The following RXFP2 variants were observed in gnomAD, a reference collection of about 807,000 sequenced individuals.
RXFP2 encodes relaxin family peptide receptor 2.
RXFP2 carries 68 observed loss-of-function variants against 88.6 expected under a neutral mutation model. That is an observed-to-expected ratio of 0.77 (90% CI 0.63 to 0.94). The LOEUF (loss-of-function observed/expected upper bound fraction) is 0.94. RXFP2 is among the 40% of genes least tolerant of loss of function. The probability of loss-of-function intolerance (pLI) is 0.00; values close to 1 mark genes in which losing one functional copy is unlikely to be tolerated. For missense variants in RXFP2, 791 were observed against 893.9 expected, an observed-to-expected ratio of 0.88 and a Z score of 1.47; for synonymous variants, 329 against 306.8, an observed-to-expected ratio of 1.07 and a Z score of -0.76.
intron 6 of RXFP2, 54 bp from the exon 7 acceptor site, chr13:31,775,264 T>C: frequency 7.7e-7 from 1 of 1,292,034 alleles, no homozygotes; most frequent in Admixed American, 1.7e-5. Flanking sequence ...TAATTATATG[T>C]GACTAAAATA....
At chr13:31,776,085 C>CTTCTTTCTTTCTTTTCTT (rs1183521237) in intron 7 of RXFP2, among the ~76,000 whole-genome samples, 1 of 41,086 alleles carries the variant, frequency 2.4e-5, no homozygotes, top group Non-Finnish European at 5.6e-5. Context: ...TCTTTCCTTC[C>CTTCTTTCTTTCTTTTCTT]TTCTTTCTTT....
In RXFP2 at chr13:31,802,372, A is replaced by G. The variant is rs140250507; in HGVS notation, c.2232A>G (p.Thr744=). ...AACTTGGGGTTTTGAACAAAATAAC[A>G]CTTGGAGACAGTATAATGAAACCAG... ...SLKLGVLNKI[T]LGDSIMKPVS The change falls in exon 18 of 18, where the codon ACA becomes ACG. Residue 744 remains threonine (T), a synonymous_variant. Transcript: ENST00000298386. 8.8e-4 allele frequency: 1,414 copies of G among 1,614,120 alleles called. 8 individuals carry two copies. The African/African-American group carries it at 0.017, about 20-fold the overall frequency.
chr13:31,796,757 G>A (rs528973510), intron 16 of RXFP2, among the ~76,000 whole-genome samples: 9 of 152,194 alleles, frequency 5.9e-5, no homozygotes, highest in Non-Finnish European at 1.2e-4. Flanking sequence ...GGAAGTGCCC[G>A]TGGAAGAGGC....
In RXFP2 at chr13:31,776,253, C is replaced by CTTTT. The variant is rs149978498; in HGVS notation, c.641+881_641+884dup. On this transcript the variant is annotated intron_variant, in intron 7 of 17. Transcript: ENST00000298386. ...TCCTTTTTTCCTTCCCTCTTTCCTT[C>CTTTT]TTTTTTTTTTTTTTTTTTTTGAGAC... Among the ~76,000 whole-genome samples, 69 of 84,382 alleles carry CTTTT rather than the reference C, an allele frequency of 8.2e-4. 4 individuals are homozygous for CTTTT. Among genetic ancestry groups the CTTTT allele is most frequent in the African/African-American group, 2.5e-3 (52 of 20,722 alleles). 55.4% of individuals were successfully genotyped at this position (84,382 alleles called of 152,430 possible). A position where few individuals can be genotyped will look rare whatever the true frequency, so the allele number is the denominator to read the frequency against.
chr13:31,771,380 G>A (rs1377182892), intron 5 of RXFP2, among the ~76,000 whole-genome samples: 1 of 152,176 alleles, frequency 6.6e-6, no homozygotes, highest in Non-Finnish European at 1.5e-5. Flanking sequence ...TCTCACCGTA[G>A]TGTGAACACT....
At position 31,777,308 on chromosome 13, in the gene RXFP2, G is replaced by T. The variant is rs796243794; in HGVS notation, c.642-68G>T. The T allele has an allele frequency of 1.1e-5, 12 of 1,091,850 alleles. No individual in the cohort carries two copies. The South Asian group carries it at 1.3e-4, about 12-fold the overall frequency. The allele number at this position is 1,091,850 out of a possible 1,614,324, so 67.6% of individuals were successfully genotyped here. On this transcript the variant is annotated intron_variant, in intron 7 of 17. Coordinates refer to ENST00000298386, the MANE Select transcript of RXFP2 (RefSeq NM_130806.5). ...CACACAAAGGAGTAGGCCAGGTGTT[G>T]AGGGGAGGCAGGTTTTATTTCACAA... is the stretch of plus-strand genomic sequence containing the variant.
At chr13:31,800,446 C>A (rs1027730667) in intron 17 of RXFP2, among the ~76,000 whole-genome samples, 1 of 152,162 alleles carries the variant, frequency 6.6e-6, no homozygotes, top group Non-Finnish European at 1.5e-5. Flanking sequence ...GTGGCAGGTG[C>A]CTGTAGTCCC....
In RXFP2 at chr13:31,781,669, A is replaced by G. The variant is rs1470910163; in HGVS notation, c.786-2A>G. The G allele has an allele frequency of 6.2e-7, 1 of 1,603,786 alleles. No individual in the cohort carries two copies. ...AAAATATCTTTCCTCCATGACTTCC[A>G]GGGATTTGGAAGGCAATAGAATAAA... On this transcript the variant is annotated splice_acceptor_variant, in intron 9 of 17. Coordinates refer to ENST00000298386, the MANE Select transcript of RXFP2 (RefSeq NM_130806.5). LOFTEE classifies it high-confidence loss of function.
intron 11 of RXFP2, among the ~76,000 whole-genome samples, chr13:31,784,991 C>T (rs546940155): frequency 2.0e-5 from 3 of 152,242 alleles, no homozygotes; most frequent in Admixed American, 6.5e-5. Context: ...TTCCATAACC[C>T]GGAGTAAATG....
Position 31,791,942 on chromosome 13 carries a change from A to G in RXFP2, c.1282A>G (p.Ile428Val), listed in dbSNP as rs1210529608. The change falls in exon 15 of 18, where the codon ATT becomes GTT. Residue 428 changes from isoleucine (I) to valine (V), a missense_variant. Transcript: ENST00000298386. Reference sequence around the variant, plus strand: ...AATATTTGTCTGGGTTATAGCTTTCATTACCTGCTTTGGAAATCTTTTTGT... The same window carrying G: ...AATATTTGTCTGGGTTATAGCTTTCGTTACCTGCTTTGGAAATCTTTTTGT... ...LRIFVWVIAF[I>V]TCFGNLFVIG... The G allele has an allele frequency of 6.2e-7, 1 of 1,614,134 alleles. No individual in the cohort carries two copies. Among genetic ancestry groups the G allele is most frequent in the South Asian group, 1.1e-5 (1 of 91,086 alleles).
At chr13:31,754,223 G>T (rs951515902) in intron 1 of RXFP2, among the ~76,000 whole-genome samples, 1 of 152,116 alleles carries the variant, frequency 6.6e-6, no homozygotes, top group Non-Finnish European at 1.5e-5. Flanking sequence ...ATTTAGTTAG[G>T]TCCAGCCCTC....
At chr13:31,752,252 A>T (rs1432150108) in intron 1 of RXFP2, among the ~76,000 whole-genome samples, 1 of 152,180 alleles carries the variant, frequency 6.6e-6, no homozygotes. Context: ...CAGTCATCTG[A>T]AGAAGGAGGG....
intron 3 of RXFP2, among the ~76,000 whole-genome samples, chr13:31,764,602 T>A (rs569478797): frequency 1.3e-5 from 2 of 152,250 alleles, no homozygotes; most frequent in South Asian, 4.1e-4. Flanking sequence ...CTAAGGGAAG[T>A]TTGAAGGAAG....
intron 1 of RXFP2, among the ~76,000 whole-genome samples, chr13:31,753,110 G>T (rs910555620): frequency 1.3e-5 from 2 of 152,178 alleles, no homozygotes; most frequent in South Asian, 4.1e-4. Flanking sequence ...TGGTGTTAGA[G>T]CCAGAACATC....
At chr13:31,748,068 T>A (rs1178028031) in intron 1 of RXFP2, among the ~76,000 whole-genome samples, 1 of 152,250 alleles carries the variant, frequency 6.6e-6, no homozygotes, top group African/African-American at 2.4e-5. Flanking sequence ...TGTAGTTTGC[T>A]CATTTTCAAG....
At chr13:31,756,017 C>A (rs549842522) in intron 1 of RXFP2, among the ~76,000 whole-genome samples, 2 of 152,288 alleles carry the variant, frequency 1.3e-5, no homozygotes, top group African/African-American at 2.4e-5. Context: ...CTTTTCCGTG[C>A]TTGCGGGATC....
intron 17 of RXFP2, among the ~76,000 whole-genome samples, 165 bp downstream of exon 17, chr13:31,797,584 G>A (rs1197932661): frequency 6.6e-6 from 1 of 152,144 alleles, no homozygotes; most frequent in Non-Finnish European, 1.5e-5. Context: ...AAACTGAGTA[G>A]TGGTGCAATC....
At chr13:31,768,210 C>G (rs1409245541) in intron 5 of RXFP2, among the ~76,000 whole-genome samples, 1 of 152,160 alleles carries the variant, frequency 6.6e-6, no homozygotes, top group Non-Finnish European at 1.5e-5. Flanking sequence ...CTGAATATCA[C>G]CTGACAGGGC....
chr13:31,802,096 T>C lies in RXFP2; in HGVS notation c.2006-50T>C, dbSNP rs1388896082. On this transcript the variant is annotated intron_variant, in intron 17 of 17. Coordinates refer to ENST00000298386, the MANE Select transcript of RXFP2 (RefSeq NM_130806.5). ...ACTGCAAAGTGTTATTTGTATTTTA[T>C]GTCTATTTAAAACTTCAACTTTTTT... 5 of 1,570,222 alleles carry C rather than the reference T, an allele frequency of 3.2e-6. No individual in the cohort carries two copies. In the African/African-American group the frequency reaches 6.8e-5, roughly 21 times the overall value.
Sources: allele counts gnomAD v4.1 joint callset (sites outside exome capture counted in the v4.1 genomes callset), GRCh38; gene constraint gnomAD v4.1.1; transcripts MANE v1.5; gene names NCBI Gene and HGNC (gene_info 2026-07-23, HGNC 2026-07-21).